The following ECPAS variants were observed in gnomAD, a reference collection of about 807,000 sequenced individuals.
The protein encoded by ECPAS is Ecm29 proteasome adaptor and scaffold.
In ECPAS, 70 loss-of-function variants were observed where a neutral mutation model predicts 255.1. That is an observed-to-expected ratio of 0.27 (90% confidence interval 0.23 to 0.33). The LOEUF is 0.33. Among genes scored for constraint, ECPAS ranks in the 10% least tolerant of loss-of-function variants. The probability of loss-of-function intolerance (pLI) is 1.00; values close to 1 mark genes in which losing one functional copy is unlikely to be tolerated. For synonymous variants in ECPAS, 784 were observed against 775.0 expected, an observed-to-expected ratio of 1.01 and a Z score of -0.19; for missense variants, 1,817 against 2,206.4, an observed-to-expected ratio of 0.82 and a Z score of 3.54.
In ECPAS at chr9:111,390,437, T is replaced by C. The variant is rs181180962; in HGVS notation, c.3162-336A>G. Among the ~76,000 whole-genome samples, 575 of 152,326 alleles carry C rather than the reference T, an allele frequency of 3.8e-3. 1 individual carries two copies. The highest frequency in any genetic ancestry group is 6.2e-3 in the Non-Finnish European group (424 of 68,028). ...ATCTCACGTGATCATAAGAGAGTCA[T>C]TGGAAGACAACATCTGTCTTCCCTA... On this transcript the variant is annotated intron_variant, in intron 29 of 49. Coordinates refer to ENST00000684092, the MANE Select transcript of ECPAS (RefSeq NM_001364929.1).
At chr9:111,455,416 G>A (rs1214362872) in intron 2 of ECPAS, among the ~76,000 whole-genome samples, 2 of 152,164 alleles carry the variant, frequency 1.3e-5, no homozygotes, top group East Asian at 1.9e-4. Flanking sequence ...CCCAGGGAGC[G>A]GAGCTCGCAG....
intron 24 of ECPAS, among the ~76,000 whole-genome samples, chr9:111,398,776 A>AAAG (rs2098171240): frequency 6.6e-6 from 1 of 152,166 alleles, no homozygotes; most frequent in Non-Finnish European, 1.5e-5. Flanking sequence ...GTCTCTACTA[A>AAAG]AAATAAAAAA....
chr9:111,436,530 C>T (rs1362808565), intron 7 of ECPAS, among the ~76,000 whole-genome samples: 1 of 151,996 alleles, frequency 6.6e-6, no homozygotes, highest in Non-Finnish European at 1.5e-5. Context: ...TTACATAAAA[C>T]GTACAGCCCT....
rs118019175 is a variant in ECPAS at position 111,397,726 on chromosome 9, C to T, written c.2653-573G>A. Among the ~76,000 whole-genome samples, 447 of 152,230 alleles carry T rather than the reference C, an allele frequency of 2.9e-3. 1 individual carries two copies. The highest frequency in any genetic ancestry group is 4.6e-3 in the Non-Finnish European group (312 of 68,010). The stretch of plus-strand genomic sequence containing the variant: ...TATTTAACAATTATTTAACTCTTTG[C>T]ACTCTTAAATTATATGATATCTTGA... On this transcript the variant is annotated intron_variant, in intron 24 of 49. Coordinates refer to ENST00000684092, the MANE Select transcript of ECPAS (RefSeq NM_001364929.1).
intron 24 of ECPAS, among the ~76,000 whole-genome samples, chr9:111,407,324 C>T (rs1396446534): frequency 7.5e-6 from 1 of 134,082 alleles, no homozygotes; most frequent in Admixed American, 8.0e-5. Flanking sequence ...ATCGCTTGAA[C>T]CCGGGAGGTG....
At chr9:111,416,167 A>G (rs2098203198) in intron 18 of ECPAS, 105 bp downstream of exon 18, 1 of 727,412 alleles carries the variant, frequency 1.4e-6, no homozygotes, top group African/African-American at 1.8e-5. Context: ...ACACCACAAT[A>G]TGGGTTTACC....
At chr9:111,427,986 TTAAA>T (rs1178603983) in intron 10 of ECPAS, 52 bp downstream of exon 10, 7 of 1,539,532 alleles carry the variant, frequency 4.5e-6, no homozygotes, top group Non-Finnish European at 5.3e-6. Context: ...CTTTCTCTAA[TTAAA>T]TAGACATAAA....
At chr9:111,366,475 G>A in intron 47 of ECPAS, 47 bp downstream of exon 47, 1 of 1,426,870 alleles carries the variant, frequency 7.0e-7, no homozygotes, top group Non-Finnish European at 9.8e-7. Context: ...TACATAAAAT[G>A]CTGCGGGGAG....
At chr9:111,381,780 TTC>T (rs1564504936) in intron 35 of ECPAS, among the ~76,000 whole-genome samples, 3 of 152,182 alleles carry the variant, frequency 2.0e-5, no homozygotes, top group African/African-American at 2.4e-5. Context: ...GTATCCAAAT[TTC>T]TCTGTTTCAT....
chr9:111,482,807 T>C (rs777826410), intron 1 of ECPAS, among the ~76,000 whole-genome samples: 2 of 151,982 alleles, frequency 1.3e-5, no homozygotes, highest in Non-Finnish European at 2.9e-5. Context: ...CCACAAAGCA[T>C]TGAGGCGAAC....
chr9:111,470,380 T>C (rs2098285723), intron 2 of ECPAS, among the ~76,000 whole-genome samples: 1 of 151,630 alleles, frequency 6.6e-6, no homozygotes, highest in African/African-American at 2.4e-5. Context: ...GCGCAATCTC[T>C]GCTCACCACA....
At chr9:111,393,880 C>A in intron 26 of ECPAS, 146 bp from the exon 27 acceptor site, 1 of 696,694 alleles carries the variant, frequency 1.4e-6, no homozygotes, top group South Asian at 2.0e-5. Context: ...ACAGGTGGCC[C>A]AAATCACCTG....
At chr9:111,414,095 G>A (rs773179589) in intron 19 of ECPAS, 109 bp from the exon 20 acceptor site, 5 of 670,168 alleles carry the variant, frequency 7.5e-6, no homozygotes, top group Non-Finnish European at 1.2e-5. Context: ...ACATTCTTTC[G>A]GTTCTATTAA....
chr9:111,481,922 T>C (rs1444590072), intron 1 of ECPAS, among the ~76,000 whole-genome samples: 2 of 152,184 alleles, frequency 1.3e-5, no homozygotes, highest in African/African-American at 4.8e-5. Flanking sequence ...AGTACAATGA[T>C]GGTCGCCAGG....
At chr9:111,379,380 T>G (rs10980887) in intron 35 of ECPAS, among the ~76,000 whole-genome samples, 44,102 of 152,172 alleles carry the variant, frequency 0.29, 7,792 homozygotes, top group Non-Finnish European at 0.41. Flanking sequence ...ATGTCTAAAA[T>G]AAAGTACATT....
At chr9:111,396,893 G>A in intron 25 of ECPAS, 137 bp downstream of exon 25, 1 of 1,177,406 alleles carries the variant, frequency 8.5e-7, no homozygotes, top group Admixed American at 2.0e-5. Flanking sequence ...TTTCTTGACT[G>A]AATGAAATTG....
At position 111,373,346 on chromosome 9, in the gene ECPAS, G is replaced by A. The variant is rs1461781231; in HGVS notation, c.4238C>T (p.Ser1413Phe). 1 of 1,613,790 alleles carries A rather than the reference G, an allele frequency of 6.2e-7. No individual in the cohort carries two copies. The highest frequency in any genetic ancestry group is 8.5e-7 in the Non-Finnish European group (1 of 1,179,796). ...LTDRNSVIQKSCAFAMGHLVR... is the reference protein window; with the variant it reads ...LTDRNSVIQKFCAFAMGHLVR... The stretch of plus-strand genomic sequence containing the variant: ...TAAATGGCCCATAGCAAATGCACAA[G>A]ATTTCTGAATCACACTGTTCCGATC... Residue 1413 changes from serine (S) to phenylalanine (F), a missense_variant, in exon 40 of 50, where the codon TCT becomes TTT. Transcript: ENST00000684092.
intron 3 of ECPAS, among the ~76,000 whole-genome samples, chr9:111,445,519 T>C (rs1161125472): frequency 1.3e-5 from 2 of 151,978 alleles, no homozygotes; most frequent in African/African-American, 2.4e-5. Context: ...TAAGATTTAA[T>C]GAGTTCCAAG....
Position 111,371,653 on chromosome 9 carries a change from G to T in ECPAS, c.4705C>A (p.Gln1569Lys). The part of the protein sequence containing the change: ...YLGMILTALL[Q>K]GLAGRTWAGK... ...GCCCACGTTCTTCCAGCCAGGCCTT[G>T]CAGCAATGCGGTCAGTATCATTCCG... Residue 1569 changes from glutamine to lysine, a missense_variant, in exon 43 of 50, where the codon CAA (glutamine) becomes AAA (lysine). By Grantham distance (53) the Gln-to-Lys change is moderately conservative. Around this residue, in one of 4 missense-constraint regions of ECPAS, gnomAD observed 960 missense variants for 1,179.0 expected, o/e 0.81. Coordinates refer to ENST00000684092, the MANE Select transcript of ECPAS (RefSeq NM_001364929.1). 6.2e-7 allele frequency: 1 copy of T among 1,613,854 alleles called. No homozygotes were observed.
Sources: gnomAD v4.1 joint callset for allele counts (sites outside exome capture counted in the v4.1 genomes callset) on GRCh38, gnomAD v4.1.1 for gene constraint, gnomAD v4.1.1 regional missense constraint, MANE v1.5 for transcripts, NCBI Gene and HGNC (gene_info 2026-07-23, HGNC 2026-07-21) for gene names.